The following SORBS3 variants were observed in gnomAD, a reference collection of about 807,000 sequenced individuals.
SORBS3 encodes the protein vinexin.
A neutral mutation model predicts 98.0 loss-of-function variants in SORBS3; 69 were observed. That is an observed-to-expected ratio of 0.70 (90% CI 0.58 to 0.86). The LOEUF (loss-of-function observed/expected upper bound fraction) is 0.86. Among genes scored for constraint, SORBS3 ranks in the 40% least tolerant of loss-of-function variants. The pLI is 0.00. For missense variants in SORBS3, 954 were observed against 908.5 expected, an observed-to-expected ratio of 1.05 and a Z score of -0.64; for synonymous variants, 394 against 355.4, an observed-to-expected ratio of 1.11 and a Z score of -1.22.
intron 19 of SORBS3, 84 bp from the exon 20 acceptor site, chr8:22,572,256 C>T: frequency 9.1e-7 from 1 of 1,102,276 alleles, no homozygotes; most frequent in Non-Finnish European, 1.4e-6. Flanking sequence ...CATGAAGGGA[C>T]CCTGGGGCAT....
intron 5 of SORBS3, among the ~76,000 whole-genome samples, chr8:22,560,056 C>CAAAA (rs968530613): frequency 1.0e-5 from 1 of 96,734 alleles, no homozygotes; most frequent in Non-Finnish European, 2.1e-5. Flanking sequence ...GACTCAGTCT[C>CAAAA]AAAAAAAAAA....
chr8:22,555,098 G>A (rs1326151346), intron 3 of SORBS3, 118 bp downstream of exon 3: 3 of 868,870 alleles, frequency 3.5e-6, no homozygotes, highest in Non-Finnish European at 5.5e-6. Flanking sequence ...AGGCCATGAG[G>A]AGGTTCCTCA....
chr8:22,566,386 A>G lies in SORBS3; in HGVS notation c.992A>G (p.Tyr331Cys), dbSNP rs762369824. 2 of 1,614,014 alleles carry G rather than the reference A, an allele frequency of 1.2e-6. No individual in the cohort carries two copies. Among genetic ancestry groups the G allele is most frequent in the South Asian group, 1.1e-5 (1 of 91,086 alleles). Residue 331 changes from tyrosine to cysteine, a missense_variant, in exon 13 of 21, where the codon TAC becomes TGC. By Grantham distance (194) the Tyr-to-Cys change is radical. Coordinates refer to ENST00000240123, the MANE Select transcript of SORBS3 (RefSeq NM_005775.5). Reference sequence around the variant, plus strand: ...AGCTCCAGCTACCCACATGCACCTTACCTGGGTTCCGCCCGGTCCCTGAGT... The same window carrying G: ...AGCTCCAGCTACCCACATGCACCTTGCCTGGGTTCCGCCCGGTCCCTGAGT... ...AWSSSYPHAP[Y>C]LGSARSLSPH...
rs1363962628 is a variant in SORBS3 at position 22,570,899 on chromosome 8, TC to T, written c.1432-5del. The T allele has an allele frequency of 2.7e-5, 42 of 1,576,794 alleles. No homozygotes were observed. The highest frequency in any genetic ancestry group is 5.2e-5 in the Admixed American group (3 of 58,228). Reference sequence around the variant, plus strand: ...GGAAGGCCCCACAGACACTGACTTTTCCCCCCTCAGGGAGAGCACATCTGCC... The same window carrying T: ...GGAAGGCCCCACAGACACTGACTTTTCCCCCTCAGGGAGAGCACATCTGCC... On this transcript the variant is annotated splice_polypyrimidine_tract_variant and intron_variant, in intron 17 of 20. Coordinates refer to ENST00000240123, the MANE Select transcript of SORBS3 (RefSeq NM_005775.5).
intron 11 of SORBS3, 134 bp downstream of exon 11, chr8:22,565,488 G>C: frequency 1.5e-6 from 1 of 665,696 alleles, no homozygotes; most frequent in Admixed American, 4.5e-5. Context: ...CACCGGCCTC[G>C]GGCCCTCCTG....
chr8:22,550,978 A>C (rs183097486), upstream of SORBS3, among the ~76,000 whole-genome samples: 1,512 of 152,312 alleles, frequency 9.9e-3, 28 homozygotes, highest in African/African-American at 0.035. Context: ...GGGCAGAGAC[A>C]GGGAGAGGGG....
chr8:22,566,627 G>A lies in SORBS3; in HGVS notation c.1091-34G>A, dbSNP rs527559157. 5.7e-6 allele frequency: 9 copies of A among 1,589,984 alleles called. No homozygotes were observed. The South Asian group carries it at 7.9e-5, about 14-fold the overall frequency. On this transcript the variant is annotated intron_variant, in intron 13 of 20. Transcript: ENST00000240123. ...GGGTGCAACCCCATCCCCCAGGTAT[G>A]GCCTCCCCAAGCTGAGGTTGTGCTT... is the stretch of plus-strand genomic sequence containing the variant.
chr8:22,549,524 G>A (rs1274789442), upstream of SORBS3, among the ~76,000 whole-genome samples: 2 of 152,226 alleles, frequency 1.3e-5, no homozygotes, highest in African/African-American at 4.8e-5. Flanking sequence ...GGGCAGAAAG[G>A]GAGGAATCAG....
upstream of SORBS3, chr8:22,550,182 C>A: frequency 5.2e-6 from 1 of 191,616 alleles, no homozygotes; most frequent in Non-Finnish European, 9.6e-6. Flanking sequence ...CTGCTGCGTC[C>A]CTCAAGAAGT....
In SORBS3 at chr8:22,554,589, C is replaced by A. The variant is rs753866090; in HGVS notation, c.83C>A (p.Ser28Tyr). The A allele has an allele frequency of 1.2e-6, 2 of 1,612,748 alleles. No individual in the cohort carries two copies. The highest frequency in any genetic ancestry group is 2.2e-5 in the South Asian group (2 of 91,066). ...IPGHLQSHIGSSSRGTRVPVI... is the reference protein window; with the variant it reads ...IPGHLQSHIGYSSRGTRVPVI... Reference sequence around the variant, plus strand: ...GGCCACCTCCAGTCCCACATAGGGTCTTCCTCCCGGGGGACACGGGTGAGT... The same window carrying A: ...GGCCACCTCCAGTCCCACATAGGGTATTCCTCCCGGGGGACACGGGTGAGT... The change falls in exon 2 of 21, where the codon TCT becomes TAT. Residue 28 changes from serine (S) to tyrosine (Y), a missense_variant. Coordinates refer to ENST00000240123, the MANE Select transcript of SORBS3 (RefSeq NM_005775.5). This position sits in a 1 kb window ranked among gnomAD's most constrained non-coding sequence, Gnocchi z 6.5.
Position 22,571,745 on chromosome 8 carries a change from TC to T in SORBS3, c.1774del (p.His592ThrfsTer138). On this transcript the variant is annotated frameshift_variant, in exon 19 of 21. Coordinates refer to ENST00000240123, the MANE Select transcript of SORBS3 (RefSeq NM_005775.5). LOFTEE classifies it high-confidence loss of function. ...QNLGTPGPAL[S>X]HSRGPSHPLD... ...TCTTGGCACCCCTGGTCCAGCTCTG[TC>T]CCACTCTCGAGGTCCCAGCCATCCC... 2 of 1,613,972 alleles carry T rather than the reference TC, an allele frequency of 1.2e-6. No homozygotes were observed. The highest frequency in any genetic ancestry group is 1.7e-6 in the Non-Finnish European group (2 of 1,179,926).
chr8:22,557,898 C>T (rs1371543047), intron 4 of SORBS3, among the ~76,000 whole-genome samples: 1 of 152,214 alleles, frequency 6.6e-6, no homozygotes, highest in Non-Finnish European at 1.5e-5. Flanking sequence ...AATCTCATAA[C>T]ATCATTATTG....
At chr8:22,555,143 G>A (rs1840161433) in intron 3 of SORBS3, among the ~76,000 whole-genome samples, 163 bp downstream of exon 3, 2 of 152,196 alleles carry the variant, frequency 1.3e-5, no homozygotes, top group African/African-American at 2.4e-5. Flanking sequence ...CCCTCCCTGC[G>A]GAGCCTGCTG....
chr8:22,575,193 C>T lies in SORBS3; in HGVS notation c.*465C>T. 6.3e-6 allele frequency: 2 copies of T among 315,714 alleles called. No individual in the cohort carries two copies. The highest frequency in any genetic ancestry group is 5.0e-5 in the South Asian group (2 of 39,888). 19.6% of individuals were successfully genotyped at this position (315,714 alleles called of 1,614,324 possible). On this transcript the variant is annotated 3_prime_UTR_variant, in exon 21 of 21. Transcript: ENST00000240123. Reference sequence around the variant, plus strand: ...CCAGCACCCCAGCTTGCTGGCTGCCCTCTTTGCCTTCTGGCCTCCAGCTGG... The same window carrying T: ...CCAGCACCCCAGCTTGCTGGCTGCCTTCTTTGCCTTCTGGCCTCCAGCTGG...
At position 22,554,010 on chromosome 8, in the gene SORBS3, G is replaced by A. The variant is rs2117211587; in HGVS notation, c.-55-442G>A. Among the ~76,000 whole-genome samples, 1 of 152,328 alleles carries A rather than the reference G, an allele frequency of 6.6e-6. No individual in the cohort carries two copies. The highest frequency in any genetic ancestry group is 1.9e-4 in the East Asian group (1 of 5,182). ...TCCCTTGTGCCCGCAGGCAAGAGAT[G>A]CCCACACGGCCTGGGGGAGGCAGAG... On this transcript the variant is annotated intron_variant, in intron 1 of 20. Coordinates refer to ENST00000240123, the MANE Select transcript of SORBS3 (RefSeq NM_005775.5). The surrounding 1 kb of genome is among the most constrained non-coding windows in gnomAD (Gnocchi z 6.5).
intron 20 of SORBS3, 123 bp downstream of exon 20, chr8:22,572,569 C>T (rs1840617883): frequency 1.3e-6 from 1 of 785,114 alleles, no homozygotes; most frequent in Admixed American, 2.1e-5. Flanking sequence ...CAGCTTCCGG[C>T]CGGGCTACTG....
intron 20 of SORBS3, among the ~76,000 whole-genome samples, chr8:22,573,957 C>T (rs763910111): frequency 1.3e-5 from 2 of 152,194 alleles, no homozygotes; most frequent in Admixed American, 6.5e-5. Flanking sequence ...AAGGGCTGCT[C>T]CAGAGGCAGG....
chr8:22,565,514 G>A, intron 11 of SORBS3, 160 bp downstream of exon 11: 2 of 603,572 alleles, frequency 3.3e-6, no homozygotes, highest in Non-Finnish European at 5.0e-6. Context: ...TGGCGGGCTC[G>A]CTCCTCCATA....
intron 20 of SORBS3, among the ~76,000 whole-genome samples, chr8:22,573,036 C>T (rs1840630593): frequency 6.6e-6 from 1 of 152,240 alleles, no homozygotes; most frequent in South Asian, 2.1e-4. Context: ...GGGCCGTCCC[C>T]AGAGAGAAGA....
Sources: allele counts gnomAD v4.1 joint callset (sites outside exome capture counted in the v4.1 genomes callset), GRCh38; gene constraint gnomAD v4.1.1; non-coding constraint Gnocchi (gnomAD v3.1); transcripts MANE v1.5; gene names NCBI Gene and HGNC (gene_info 2026-07-23, HGNC 2026-07-21).